The following GALNT10 variants were observed in gnomAD, a reference collection of about 807,000 sequenced individuals.
GALNT10 encodes the protein GalNAc transferase 10.
In GALNT10, 41 loss-of-function variants were observed where a neutral mutation model predicts 75.0. The observed-to-expected ratio is 0.55, with a 90% confidence interval of 0.43 to 0.71. The LOEUF (loss-of-function observed/expected upper bound fraction) is 0.71. Ranked by LOEUF, GALNT10 falls within the 30% of genes least tolerant of loss-of-function variation. The pLI is 0.00. For synonymous variants in GALNT10, 302 were observed against 313.0 expected, an observed-to-expected ratio of 0.96 and a Z score of 0.37; for missense variants, 727 against 818.5, an observed-to-expected ratio of 0.89 and a Z score of 1.36.
At chr5:154,367,537 A>T (rs1337097268) in intron 4 of GALNT10, among the ~76,000 whole-genome samples, 1 of 152,174 alleles carries the variant, frequency 6.6e-6, no homozygotes, top group African/African-American at 2.4e-5. Flanking sequence ...GGTAGGGGGC[A>T]GAATAGTCTT....
intron 3 of GALNT10, among the ~76,000 whole-genome samples, chr5:154,314,561 G>T (rs1401553468): frequency 1.3e-5 from 2 of 151,998 alleles, no homozygotes; most frequent in Non-Finnish European, 2.9e-5. Flanking sequence ...ATGTGGCCTG[G>T]GAATGGTAGT....
chr5:154,338,132 C>T, intron 4 of GALNT10: 1 of 935,454 alleles, frequency 1.1e-6, no homozygotes, highest in Non-Finnish European at 1.7e-6. Context: ...TGAGTGGGCA[C>T]CTGGTCTTTG....
chr5:154,395,759 G>T (rs1342315215), intron 7 of GALNT10, among the ~76,000 whole-genome samples: 1 of 152,166 alleles, frequency 6.6e-6, no homozygotes, highest in Non-Finnish European at 1.5e-5. Context: ...GAACTGGCAG[G>T]CACAGTCACC....
intron 4 of GALNT10, among the ~76,000 whole-genome samples, chr5:154,374,367 G>T (rs1005960660): frequency 2.0e-5 from 3 of 152,200 alleles, no homozygotes; most frequent in African/African-American, 7.2e-5. Flanking sequence ...CTGCCTACAA[G>T]ATGCCAGACA....
intron 1 of GALNT10, among the ~76,000 whole-genome samples, chr5:154,211,292 C>T (rs913743257): frequency 1.3e-5 from 2 of 152,146 alleles, no homozygotes; most frequent in African/African-American, 4.8e-5. Flanking sequence ...ACTATGGACT[C>T]TCTGGAGGGA....
Position 154,325,390 on chromosome 5 carries a change from G to C in GALNT10, c.402-4182G>C, listed in dbSNP as rs1216921923. Among the ~76,000 whole-genome samples the C allele has an allele frequency of 2.6e-5, 4 of 152,142 alleles. No individual in the cohort carries two copies. In the East Asian group the frequency reaches 7.7e-4, roughly 29 times the overall value. ...AAGAATTTATATTTTTAGCAAAAGA[G>C]ATACAATAAAATCAGACAAAGACAT... On this transcript the variant is annotated intron_variant, in intron 3 of 11. Transcript: ENST00000297107.
intron 1 of GALNT10, among the ~76,000 whole-genome samples, chr5:154,194,555 G>A (rs1350323758): frequency 2.0e-5 from 3 of 152,174 alleles, no homozygotes; most frequent in Non-Finnish European, 4.4e-5. Flanking sequence ...AAGGAGTCCA[G>A]CTGAGGAAGG....
intron 1 of GALNT10, among the ~76,000 whole-genome samples, chr5:154,251,247 A>T (rs1351631912): frequency 2.6e-5 from 4 of 150,948 alleles, no homozygotes. Context: ...TATACCAGTC[A>T]CTCTTTTCAT....
intron 8 of GALNT10, 33 bp downstream of exon 8, chr5:154,404,244 GGGTT>G: frequency 1.4e-6 from 2 of 1,412,774 alleles, no homozygotes; most frequent in Middle Eastern, 1.9e-4. Context: ...CGGGTAGAAG[GGGTT>G]GGCCTAGGAC....
chr5:154,240,696 G>A (rs1235065790), intron 1 of GALNT10, among the ~76,000 whole-genome samples: 2 of 152,220 alleles, frequency 1.3e-5, no homozygotes, highest in Non-Finnish European at 2.9e-5. Flanking sequence ...GTAGCTGAAA[G>A]TATTTTATTG....
At chr5:154,260,672 A>G (rs1387141209) in intron 1 of GALNT10, among the ~76,000 whole-genome samples, 1 of 152,234 alleles carries the variant, frequency 6.6e-6, no homozygotes, top group Non-Finnish European at 1.5e-5. Context: ...TTAAAAGCAT[A>G]TGTTTCTCAA....
chr5:154,367,535 G>T (rs1000926506), intron 4 of GALNT10, among the ~76,000 whole-genome samples: 2 of 152,138 alleles, frequency 1.3e-5, no homozygotes, highest in African/African-American at 2.4e-5. Flanking sequence ...GGGGTAGGGG[G>T]CAGAATAGTC....
intron 1 of GALNT10, among the ~76,000 whole-genome samples, chr5:154,195,027 C>T (rs1028128031): frequency 6.6e-6 from 1 of 152,200 alleles, no homozygotes; most frequent in Non-Finnish European, 1.5e-5. Context: ...TTTTCTCAGG[C>T]TGTAGTCTAA....
chr5:154,408,317 C>T (rs1001417328), intron 8 of GALNT10, among the ~76,000 whole-genome samples: 3 of 152,172 alleles, frequency 2.0e-5, no homozygotes, highest in Non-Finnish European at 4.4e-5. Flanking sequence ...TGCTAACTCC[C>T]CTTTAACCTT....
rs548184443 is a variant in GALNT10, at chr5:154,226,807, G to C, written c.159+35782G>C. On this transcript the variant is annotated intron_variant, in intron 1 of 11. Transcript: ENST00000297107. ...ATCCATCATCCCCTAGAATTTCCTC[G>C]TGTCCCTTTGCATTTGTAACCTCTC... 3.3e-5 allele frequency among the ~76,000 whole-genome samples: 5 copies of C among 151,972 alleles called. No homozygotes were observed. In the South Asian group the frequency reaches 1.0e-3, roughly 32 times the overall value.
intron 1 of GALNT10, among the ~76,000 whole-genome samples, chr5:154,212,471 C>CTTCATTTA: frequency 6.6e-6 from 1 of 152,252 alleles, no homozygotes; most frequent in African/African-American, 2.4e-5. Context: ...ACTTCACTTA[C>CTTCATTTA]GTTACTTCAT....
chr5:154,246,139 C>T (rs895848249), intron 1 of GALNT10, among the ~76,000 whole-genome samples: 2 of 123,206 alleles, frequency 1.6e-5, no homozygotes, highest in South Asian at 5.2e-4. Context: ...GACATGAATT[C>T]ATCATTTTTT....
intron 4 of GALNT10, among the ~76,000 whole-genome samples, chr5:154,375,699 G>A (rs904773612): frequency 4.6e-5 from 7 of 152,268 alleles, no homozygotes; most frequent in East Asian, 1.9e-4. Context: ...AAGATGTCAC[G>A]AGTGGCTCCA....
chr5:154,221,427 A>C (rs553950682), intron 1 of GALNT10, among the ~76,000 whole-genome samples: 45 of 152,296 alleles, frequency 3.0e-4, no homozygotes, highest in African/African-American at 1.1e-3. Context: ...GGTGCCCCTG[A>C]GTTGTGCCTT....
Sources: gnomAD v4.1 joint callset for allele counts (sites outside exome capture counted in the v4.1 genomes callset) on GRCh38, gnomAD v4.1.1 for gene constraint, MANE v1.5 for transcripts, NCBI Gene and HGNC (gene_info 2026-07-23, HGNC 2026-07-21) for gene names.